Variants in PPM1B observed in about 807,000 individuals in gnomAD.
The protein encoded by PPM1B is protein phosphatase, Mg2+/Mn2+ dependent 1B.
PPM1B carries 22 observed loss-of-function variants against 43.0 expected under a neutral mutation model. That is an observed-to-expected ratio of 0.51 (90% CI 0.37 to 0.73). The LOEUF is 0.73. Among genes scored for constraint, PPM1B ranks in the 30% least tolerant of loss-of-function variants. The pLI is 0.00. For synonymous variants in PPM1B, 217 were observed against 197.9 expected (o/e 1.10, Z -0.81); for missense variants, 632 against 584.2 (o/e 1.08, Z -0.84).
chr2:44,186,309 A>C (rs572397649), intron 1 of PPM1B, among the ~76,000 whole-genome samples: 2 of 152,224 alleles, frequency 1.3e-5, no homozygotes, highest in Non-Finnish European at 2.9e-5. Context: ...ACTTTGGAGT[A>C]TATGTGGCAT....
chr2:44,229,045 G>C (rs1014025381), intron 5 of PPM1B, among the ~76,000 whole-genome samples: 28 of 151,880 alleles, frequency 1.8e-4, no homozygotes, highest in African/African-American at 6.8e-4. Flanking sequence ...AGCCGGGCAT[G>C]GTGTCACATG....
intron 2 of PPM1B, among the ~76,000 whole-genome samples, chr2:44,205,132 A>T (rs1468792694): frequency 1.3e-5 from 2 of 152,284 alleles, no homozygotes; most frequent in East Asian, 3.9e-4. Context: ...CATACTTATT[A>T]ATCCTCATAG....
intron 1 of PPM1B, among the ~76,000 whole-genome samples, chr2:44,178,314 A>G (rs1485267040): frequency 6.6e-6 from 1 of 151,862 alleles, no homozygotes; most frequent in Non-Finnish European, 1.5e-5. Flanking sequence ...CCATATATAT[A>G]TGCGAGAATT....
At chr2:44,186,727 A>T (rs1045424363) in intron 1 of PPM1B, among the ~76,000 whole-genome samples, 1 of 152,168 alleles carries the variant, frequency 6.6e-6, no homozygotes, top group African/African-American at 2.4e-5. Flanking sequence ...TCATTTAGAC[A>T]TTATCATTTG....
At chr2:44,215,756 C>T (rs552539866) in intron 3 of PPM1B, among the ~76,000 whole-genome samples, 59 of 152,084 alleles carry the variant, frequency 3.9e-4, no homozygotes, top group African/African-American at 1.3e-3. Flanking sequence ...GAGGATATAG[C>T]AGAAAAAGAA....
chr2:44,244,870 G>A (rs764227998), downstream of PPM1B, among the ~76,000 whole-genome samples: 18 of 147,232 alleles, frequency 1.2e-4, no homozygotes, highest in Non-Finnish European at 2.7e-4. Flanking sequence ...GTGTGTGTGT[G>A]TGTATCTATG....
At chr2:44,225,856 A>T (rs982160966) in intron 5 of PPM1B, among the ~76,000 whole-genome samples, 2 of 151,300 alleles carry the variant, frequency 1.3e-5, no homozygotes, top group Non-Finnish European at 2.9e-5. Flanking sequence ...GGGTTTCACC[A>T]TGTTGATCAG....
downstream of PPM1B, chr2:44,233,283 CTATTT>C (rs1336363813): frequency 4.4e-6 from 4 of 907,110 alleles, no homozygotes; most frequent in Middle Eastern, 1.1e-3. Flanking sequence ...TTAAAATTAT[CTATTT>C]TAGATCTAAG....
At chr2:44,229,316 T>A (rs1223710859) in intron 5 of PPM1B, among the ~76,000 whole-genome samples, 1 of 152,206 alleles carries the variant, frequency 6.6e-6, no homozygotes, top group Admixed American at 6.5e-5. Context: ...ATAAATTGTA[T>A]AATATTGAAT....
intron 5 of PPM1B, among the ~76,000 whole-genome samples, chr2:44,226,903 C>G (rs1424279819): frequency 3.4e-5 from 5 of 147,782 alleles, no homozygotes; most frequent in Non-Finnish European, 7.5e-5. Context: ...CCATCTCAAC[C>G]CTTCCTGAAT....
intron 2 of PPM1B, among the ~76,000 whole-genome samples, chr2:44,206,015 C>CA (rs1005816840): frequency 6.6e-6 from 1 of 151,852 alleles, no homozygotes; most frequent in Non-Finnish European, 1.5e-5. Context: ...GACTCCGTGT[C>CA]AAAAAAACAA....
chr2:44,229,858 AT>A lies in PPM1B; in HGVS notation c.1135-550del, dbSNP rs1405985102. ...TATTCATACTGAGAATACTTAATTTATTTTTATCTAGAGATGTTTTTATCAA... is the reference window on the plus strand; with the variant it reads ...TATTCATACTGAGAATACTTAATTTATTTTATCTAGAGATGTTTTTATCAA... On this transcript the variant is annotated intron_variant, in intron 5 of 5. Transcript: ENST00000282412. 3 of 830,476 alleles carry A rather than the reference AT, an allele frequency of 3.6e-6. No homozygotes were observed. The East Asian group carries it at 8.6e-5, about 24-fold the overall frequency. The allele number at this position is 830,476 out of a possible 1,614,324, so 51.4% of individuals were successfully genotyped here.
intron 5 of PPM1B, among the ~76,000 whole-genome samples, chr2:44,221,895 G>A (rs961369235): frequency 6.6e-6 from 1 of 151,928 alleles, no homozygotes; most frequent in African/African-American, 2.4e-5. Context: ...TACTAAATTT[G>A]TTTTTTAGTA....
Position 44,213,756 on chromosome 2 carries a change from A to G in PPM1B, c.965-4211A>G, listed in dbSNP as rs375534894. The stretch of plus-strand genomic sequence containing the variant: ...TGAGGGTGATGAAAACGTGAGAAAC[A>G]TGTAAGAACACATTGAAGATTATGT... On this transcript the variant is annotated intron_variant, in intron 3 of 5. Coordinates refer to ENST00000282412, the MANE Select transcript of PPM1B (RefSeq NM_002706.6). 8 of 152,312 alleles carry G rather than the reference A, an allele frequency of 5.3e-5. No individual in the cohort carries two copies. In the East Asian group the frequency reaches 9.6e-4, roughly 18 times the overall value. The allele number at this position is 152,312 out of a possible 1,614,324, so 9.4% of individuals were successfully genotyped here.
At chr2:44,192,186 T>TATTGTATTGTATTGTATTG (rs1317680502) in intron 1 of PPM1B, among the ~76,000 whole-genome samples, 1 of 48,796 alleles carries the variant, frequency 2.0e-5, no homozygotes, top group African/African-American at 8.2e-5. Context: ...TTATGTTATG[T>TATTGTATTGTATTGTATTG]TATGGTATTG....
At chr2:44,207,150 C>G (rs1572723312) in intron 2 of PPM1B, among the ~76,000 whole-genome samples, 1 of 152,264 alleles carries the variant, frequency 6.6e-6, no homozygotes, top group East Asian at 1.9e-4. Flanking sequence ...GAAGACCCAA[C>G]CTTCACTGCC....
downstream of PPM1B, among the ~76,000 whole-genome samples, chr2:44,236,880 G>A (rs544417778): frequency 2.0e-5 from 3 of 152,298 alleles, no homozygotes; most frequent in South Asian, 2.1e-4. Flanking sequence ...AAGGGAAAAC[G>A]TGATAAGATT....
chr2:44,236,524 C>T (rs1464711623), downstream of PPM1B, among the ~76,000 whole-genome samples: 1 of 148,696 alleles, frequency 6.7e-6, no homozygotes, highest in Non-Finnish European at 1.5e-5. Flanking sequence ...TTTTTAATAA[C>T]AGGAGAAATA....
chr2:44,202,657 A>T (rs1220691327), intron 2 of PPM1B, among the ~76,000 whole-genome samples: 1 of 152,226 alleles, frequency 6.6e-6, no homozygotes. Flanking sequence ...AATTCTTTTC[A>T]TATAGATGTT....
Sources: allele counts gnomAD v4.1 joint callset (sites outside exome capture counted in the v4.1 genomes callset), GRCh38; gene constraint gnomAD v4.1.1; transcripts MANE v1.5; gene names NCBI Gene and HGNC (gene_info 2026-07-23, HGNC 2026-07-21).